SYT16: variants seen among roughly 807,000 people sequenced by gnomAD.
SYT16 encodes synaptotagmin 16, also known as synaptotagmin-16.
A neutral mutation model predicts 61.4 loss-of-function variants in SYT16; 42 were observed. The observed-to-expected ratio is 0.68, with a 90% CI of 0.53 to 0.89. The LOEUF (loss-of-function observed/expected upper bound fraction) is 0.89, where lower values mean the gene tolerates loss of function less well. SYT16 is among the 40% of genes least tolerant of loss of function. The probability of loss-of-function intolerance (pLI) is 0.00; values close to 1 mark genes in which losing one functional copy is unlikely to be tolerated. For missense variants in SYT16, 804 were observed against 807.3 expected (o/e 1.00, Z 0.05); for synonymous variants, 314 against 302.3 (o/e 1.04, Z -0.40).
At chr14:61,849,709 G>T (rs1056044746) in intron 1 of SYT16, among the ~76,000 whole-genome samples, 1 of 152,198 alleles carries the variant, frequency 6.6e-6, no homozygotes, top group African/African-American at 2.4e-5. Context: ...GGGTGGCATT[G>T]GCAGTTCAAG....
At chr14:62,025,277 GCATTTAC>G (rs2054058832) in intron 3 of SYT16, among the ~76,000 whole-genome samples, 1 of 152,098 alleles carries the variant, frequency 6.6e-6, no homozygotes. Flanking sequence ...ATCCTTGCCA[GCATTTAC>G]CATTTCTAAT....
In SYT16 at chr14:61,996,260, G is replaced by A. The variant is rs760022741; in HGVS notation, c.241G>A (p.Ala81Thr). The A allele has an allele frequency of 6.2e-7, 1 of 1,613,628 alleles. No individual in the cohort carries two copies. The highest frequency in any genetic ancestry group is 8.5e-7 in the Non-Finnish European group (1 of 1,179,646). Reference sequence around the variant, plus strand: ...AGACAATGATTGGAGTCAAGAGGATGCAAATTCCTTGTTTCTTGAAGTGGA... The same window carrying A: ...AGACAATGATTGGAGTCAAGAGGATACAAATTCCTTGTTTCTTGAAGTGGA... ...EQDNDWSQEDANSLFLEVDHF... is the reference protein window; with the variant it reads ...EQDNDWSQEDTNSLFLEVDHF... Residue 81 changes from alanine to threonine, a missense_variant, in exon 3 of 8, where the codon GCA becomes ACA. Ala to Thr is a moderately conservative substitution (Grantham distance 58). Transcript: ENST00000683842.
intron 2 of SYT16, among the ~76,000 whole-genome samples, chr14:61,981,732 A>G (rs945542525): frequency 1.3e-5 from 2 of 152,100 alleles, no homozygotes; most frequent in Non-Finnish European, 2.9e-5. Flanking sequence ...AGATGGAGGC[A>G]TTAGGTTCGA....
intron 3 of SYT16, among the ~76,000 whole-genome samples, chr14:62,010,372 A>T (rs1953545): frequency 0.31 from 46,564 of 152,092 alleles, 7,792 homozygotes; most frequent in East Asian, 0.69. Context: ...TTATAGGATG[A>T]TCTCTCTGAG....
At position 62,111,737 on chromosome 14, in the gene SYT16, T is replaced by A. The variant is rs1326480400; in HGVS notation, c.*11030T>A. The A allele has an allele frequency of 6.6e-6, 1 of 152,018 alleles. No individual in the cohort carries two copies. Among genetic ancestry groups the A allele is most frequent in the Non-Finnish European group, 1.5e-5 (1 of 67,932 alleles). The allele number at this position is 152,018 out of a possible 1,614,324, so 9.4% of individuals were successfully genotyped here. A position where few individuals can be genotyped will look rare whatever the true frequency, so the allele number is the denominator to read the frequency against. On this transcript the variant is annotated 3_prime_UTR_variant, in exon 8 of 8. Coordinates refer to ENST00000683842, the MANE Select transcript of SYT16 (RefSeq NM_001367656.1). ...TATAGTTCCTCCTCTAGTTTTCCAG[T>A]AGAGAATTCGTATGTGGTCCAGAGG...
chr14:61,983,794 C>T (rs761852017), intron 2 of SYT16, among the ~76,000 whole-genome samples: 2 of 152,128 alleles, frequency 1.3e-5, no homozygotes, highest in Non-Finnish European at 2.9e-5. Context: ...ACTCAAAGTC[C>T]AGGGTTAACA....
At chr14:62,083,354 G>T (rs1376071847) in intron 6 of SYT16, among the ~76,000 whole-genome samples, 2 of 152,134 alleles carry the variant, frequency 1.3e-5, no homozygotes, top group South Asian at 2.1e-4. Context: ...GGTGTTTCAG[G>T]GGGACAGGAT....
rs1483070932 is a variant in SYT16, at chr14:62,010,100, T to C, written c.523+13558T>C. Among the ~76,000 whole-genome samples the C allele has an allele frequency of 2.0e-5, 3 of 152,334 alleles. No individual in the cohort carries two copies. The East Asian group carries it at 5.8e-4, about 29-fold the overall frequency. ...TTTGACCAATAGTGTAGTGAAAGTA[T>C]TGTCAAAGCATTTGTATAGATTATA... On this transcript the variant is annotated intron_variant, in intron 3 of 7. Transcript: ENST00000683842.
intron 3 of SYT16, among the ~76,000 whole-genome samples, chr14:62,049,409 A>C (rs1162147683): frequency 6.6e-6 from 1 of 152,082 alleles, no homozygotes; most frequent in Admixed American, 6.5e-5. Flanking sequence ...CAGCACATTG[A>C]TGGGTGTTGA....
chr14:61,887,525 T>G (rs1436003829), intron 1 of SYT16, among the ~76,000 whole-genome samples: 1 of 152,248 alleles, frequency 6.6e-6, no homozygotes, highest in Admixed American at 6.5e-5. Context: ...AGAAGGCTGT[T>G]TTGTGTACAT....
intron 1 of SYT16, among the ~76,000 whole-genome samples, chr14:61,814,329 A>G (rs1039257228): frequency 6.6e-6 from 1 of 152,180 alleles, no homozygotes; most frequent in Non-Finnish European, 1.5e-5. Flanking sequence ...TAACAAAGTA[A>G]GACTCAACAA....
intron 4 of SYT16, among the ~76,000 whole-genome samples, chr14:62,074,636 T>C (rs776049546): frequency 1.3e-5 from 2 of 152,168 alleles, no homozygotes; most frequent in African/African-American, 2.4e-5. Flanking sequence ...AGAGACAGGA[T>C]TTAAACTCGG....
intron 1 of SYT16, among the ~76,000 whole-genome samples, chr14:61,904,321 G>T (rs180834990): frequency 1.3e-5 from 2 of 152,252 alleles, no homozygotes; most frequent in Admixed American, 6.5e-5. Flanking sequence ...CTTAGGTGTG[G>T]GGTTGGCTTC....
At chr14:61,889,003 A>C (rs1213324234) in intron 1 of SYT16, among the ~76,000 whole-genome samples, 1 of 152,204 alleles carries the variant, frequency 6.6e-6, no homozygotes, top group African/African-American at 2.4e-5. Context: ...CATAATAGTC[A>C]TTGCATAAAA....
intron 1 of SYT16, among the ~76,000 whole-genome samples, chr14:61,888,838 C>A (rs1012423981): frequency 2.0e-5 from 3 of 148,464 alleles, no homozygotes; most frequent in Non-Finnish European, 3.0e-5. Context: ...CAAGATATAT[C>A]TATTTTTTTC....
At chr14:61,818,871 ACTG>A in intron 1 of SYT16, among the ~76,000 whole-genome samples, 1 of 152,254 alleles carries the variant, frequency 6.6e-6, no homozygotes, top group Non-Finnish European at 1.5e-5. Flanking sequence ...TGTTTGCTAA[ACTG>A]CTCCTCCTGT....
chr14:61,853,138 C>G (rs925823697), intron 1 of SYT16, among the ~76,000 whole-genome samples: 22 of 152,294 alleles, frequency 1.4e-4, no homozygotes, highest in Admixed American at 6.5e-4. Flanking sequence ...AGGCTGGTCT[C>G]AAACTCCTGA....
In SYT16 at chr14:62,087,536, G is replaced by A. The variant is rs556077146; in HGVS notation, c.1624+3151G>A. On this transcript the variant is annotated intron_variant, in intron 7 of 7. Transcript: ENST00000683842. ...TCTTAGGGAAGTGTGAAGGAAAATA[G>A]GTTGAGCCTGAGTGTTAGGAACTTT... Among the ~76,000 whole-genome samples, 10 of 152,314 alleles carry A rather than the reference G, an allele frequency of 6.6e-5. No individual in the cohort carries two copies. In the South Asian group the frequency reaches 2.1e-3, roughly 32 times the overall value.
chr14:61,981,206 A>G (rs139683720), intron 2 of SYT16, among the ~76,000 whole-genome samples: 25 of 152,276 alleles, frequency 1.6e-4, no homozygotes, highest in African/African-American at 6.0e-4. Flanking sequence ...ATGGAGGGCA[A>G]TCTGCTTTGC....
Sources: gnomAD v4.1 joint callset for allele counts (sites outside exome capture counted in the v4.1 genomes callset) on GRCh38, gnomAD v4.1.1 for gene constraint, MANE v1.5 for transcripts, NCBI Gene and HGNC (gene_info 2026-07-23, HGNC 2026-07-21) for gene names.